DAB1: variants seen among roughly 807,000 people sequenced by gnomAD.
DAB1 encodes the protein DAB adaptor protein 1, also known as disabled homolog 1.
A neutral mutation model predicts 64.6 loss-of-function variants in DAB1; 15 were observed. That is an observed-to-expected ratio of 0.23 (90% CI 0.16 to 0.36). DAB1 has a LOEUF of 0.36. Among genes scored for constraint, DAB1 ranks in the 10% least tolerant of loss-of-function variants. The pLI is 1.00. For missense variants in DAB1, 596 were observed against 706.7 expected (o/e 0.84, Z 1.78); for synonymous variants, 235 against 251.9 (o/e 0.93, Z 0.64).
At chr1:57,538,764 T>C (rs2101441484) in intron 7 of DAB1, among the ~76,000 whole-genome samples, 1 of 152,262 alleles carries the variant, frequency 6.6e-6, no homozygotes, top group South Asian at 2.1e-4. Context: ...CTCACTTTAC[T>C]CATCTATAAT....
intron 7 of DAB1, among the ~76,000 whole-genome samples, chr1:57,528,752 G>T (rs773228234): frequency 7.7e-5 from 11 of 142,848 alleles, no homozygotes; most frequent in Non-Finnish European, 1.4e-4. Flanking sequence ...AGAGCAGAAG[G>T]CAATGGAAGT....
intron 5 of DAB1, among the ~76,000 whole-genome samples, chr1:57,996,875 C>T (rs1333049467): frequency 1.3e-5 from 2 of 152,064 alleles, no homozygotes; most frequent in Non-Finnish European, 2.9e-5. Context: ...CCACTCTTAG[C>T]ATTTGGGGGG....
Position 58,534,040 on chromosome 1 carries a change from G to A in DAB1, n.33-6705C>T, listed in dbSNP as rs34851388. 3,911 of 870,350 alleles carry A rather than the reference G, an allele frequency of 4.5e-3. 17 individuals carry two copies. The highest frequency in any genetic ancestry group is 5.9e-3 in the Non-Finnish European group (2,953 of 501,130). 53.9% of individuals were successfully genotyped at this position (870,350 alleles called of 1,614,324 possible). On this transcript the variant is annotated intron_variant and non_coding_transcript_variant, in intron 1 of 20. Coordinates refer to the DAB1 transcript ENST00000485760. The stretch of plus-strand genomic sequence containing the variant: ...CGGTTACACTATTTAAAAATCCAGT[G>A]AAAACAAACATTTGTCCATTCTGCA...
intron 7 of DAB1, among the ~76,000 whole-genome samples, chr1:57,431,899 A>G (rs1006108609): frequency 6.6e-6 from 1 of 152,180 alleles, no homozygotes; most frequent in African/African-American, 2.4e-5. Context: ...CGAGGCCGGC[A>G]GATCACGAGG....
intron 4 of DAB1, among the ~76,000 whole-genome samples, chr1:58,196,005 C>G (rs1256089153): frequency 2.8e-4 from 42 of 152,086 alleles, no homozygotes; most frequent in Non-Finnish European, 1.5e-5. Flanking sequence ...CTCTCCAGCC[C>G]CTAAACTGTA....
intron 4 of DAB1, among the ~76,000 whole-genome samples, chr1:58,293,395 G>A (rs542194755): frequency 6.6e-6 from 1 of 152,114 alleles, no homozygotes; most frequent in Non-Finnish European, 1.5e-5. Flanking sequence ...TTCTGCAAAT[G>A]CTCAGCAGAG....
chr1:58,159,723 G>A (rs192539820), intron 4 of DAB1, among the ~76,000 whole-genome samples: 15 of 152,272 alleles, frequency 9.9e-5, no homozygotes, highest in Admixed American at 9.8e-4. Flanking sequence ...ATATGTAAAG[G>A]TTGATTATTA....
intron 4 of DAB1, among the ~76,000 whole-genome samples, chr1:57,107,051 T>A (rs1655227709): frequency 6.6e-6 from 1 of 152,024 alleles, no homozygotes. Flanking sequence ...GAAGGCATAG[T>A]ACGTAAAAAG....
intron 2 of DAB1, among the ~76,000 whole-genome samples, chr1:58,519,346 T>A (rs1332872261): frequency 6.6e-6 from 1 of 152,144 alleles, no homozygotes; most frequent in Non-Finnish European, 1.5e-5. Flanking sequence ...ATGGGGTACA[T>A]CCAACAGCCA....
intron 6 of DAB1, among the ~76,000 whole-genome samples, chr1:57,794,158 C>A (rs761062126): frequency 7.2e-5 from 11 of 152,152 alleles, no homozygotes; most frequent in Non-Finnish European, 1.6e-4. Flanking sequence ...CCTAGTTTCT[C>A]CTACCCGTAG....
At chr1:58,296,195 GAGAAAGAAAGAA>G (rs56816699) in intron 4 of DAB1, among the ~76,000 whole-genome samples, 4,444 of 93,122 alleles carry the variant, frequency 0.048, 167 homozygotes, top group Admixed American at 0.071. Context: ...GAGAAAGAAA[GAGAAAGAAAGAA>G]AGAAAGAAAG....
chr1:58,502,947 C>A (rs1645929279), intron 3 of DAB1, among the ~76,000 whole-genome samples: 1 of 152,104 alleles, frequency 6.6e-6, no homozygotes, highest in South Asian at 2.1e-4. Context: ...ACGTCTTTGT[C>A]TTCATCATTT....
chr1:58,375,144 G>C (rs1205376032), intron 3 of DAB1, among the ~76,000 whole-genome samples: 17 of 148,994 alleles, frequency 1.1e-4, no homozygotes, highest in African/African-American at 2.5e-4. Flanking sequence ...AATTTGACTT[G>C]CTCTTTTCCT....
At chr1:57,156,483 G>C (rs1461040908) in intron 2 of DAB1, among the ~76,000 whole-genome samples, 1 of 152,140 alleles carries the variant, frequency 6.6e-6, no homozygotes, top group Non-Finnish European at 1.5e-5. Context: ...GAGCAGACCT[G>C]CGGTGTCCAG....
chr1:58,019,403 A>G (rs1037857598), intron 5 of DAB1, among the ~76,000 whole-genome samples: 2 of 152,172 alleles, frequency 1.3e-5, no homozygotes, highest in African/African-American at 4.8e-5. Context: ...CCTCATAATA[A>G]TGTGATCCAT....
chr1:58,208,793 T>C (rs190495866), intron 4 of DAB1, among the ~76,000 whole-genome samples: 137 of 152,302 alleles, frequency 9.0e-4, no homozygotes, highest in Admixed American at 7.7e-3. Flanking sequence ...TCTTTTCCTC[T>C]GGTAGATCCA....
rs759095707 is a variant in DAB1, at chr1:57,364,442, C to T, written c.-137+59488G>A. 4.6e-5 allele frequency among the ~76,000 whole-genome samples: 7 copies of T among 152,144 alleles called. No homozygotes were observed. In the East Asian group the frequency reaches 5.8e-4, roughly 13 times the overall value. On this transcript the variant is annotated intron_variant, in intron 1 of 14. Transcript: ENST00000371236. Reference sequence around the variant, plus strand: ...TGGCCCCACATTACCATTTACTAGCCGTGACACCTCAGGAATCACCCTGCT... The same window carrying T: ...TGGCCCCACATTACCATTTACTAGCTGTGACACCTCAGGAATCACCCTGCT...
intron 4 of DAB1, among the ~76,000 whole-genome samples, chr1:58,283,210 G>A (rs963301714): frequency 6.6e-6 from 1 of 151,272 alleles, no homozygotes; most frequent in Non-Finnish European, 1.5e-5. Flanking sequence ...CTGTCAGTGC[G>A]CATATGGGTA....
intron 7 of DAB1, among the ~76,000 whole-genome samples, chr1:57,647,757 T>C (rs80187562): frequency 0.035 from 5,255 of 152,308 alleles, 295 homozygotes; most frequent in African/African-American, 0.12. Context: ...TCACAGAAGA[T>C]AGATATTACT....
Sources: gnomAD v4.1 joint callset for allele counts (sites outside exome capture counted in the v4.1 genomes callset) on GRCh38, gnomAD v4.1.1 for gene constraint, MANE v1.5 for transcripts, NCBI Gene and HGNC (gene_info 2026-07-23, HGNC 2026-07-21) for gene names.